NAV2: variants seen among roughly 807,000 people sequenced by gnomAD.
NAV2 encodes neuron navigator 2, also known as helicase, APC down-regulated 1.
NAV2 carries 54 observed loss-of-function variants against 223.2 expected under a neutral mutation model. The ratio of observed to expected loss-of-function variants is 0.24; its 90% CI spans 0.19 to 0.30. The LOEUF (loss-of-function observed/expected upper bound fraction) is 0.30, where lower values mean the gene tolerates loss of function less well. Ranked by LOEUF, NAV2 falls within the 10% of genes least tolerant of loss-of-function variation. The pLI, the probability that NAV2 is intolerant of heterozygous loss-of-function variation, is 1.00. For missense variants in NAV2, 2,806 were observed against 3,147.5 expected, an observed-to-expected ratio of 0.89 and a Z score of 2.60; for synonymous variants, 1,279 against 1,239.3, an observed-to-expected ratio of 1.03 and a Z score of -0.67.
chr11:19,452,107 AGTGTGTGT>A (rs60628637), intron 1 of NAV2, among the ~76,000 whole-genome samples: 25,568 of 146,610 alleles, frequency 0.17, 2,239 homozygotes, highest in South Asian at 0.19. Flanking sequence ...AGGTTACAAA[AGTGTGTGT>A]GTGTGTGTGT....
intron 10 of NAV2, among the ~76,000 whole-genome samples, chr11:19,962,724 G>A (rs1245125303): frequency 6.6e-6 from 1 of 152,118 alleles, no homozygotes; most frequent in Non-Finnish European, 1.5e-5. Context: ...CACTGGCATG[G>A]ACACCTCCAG....
chr11:20,005,581 C>T lies in NAV2; in HGVS notation c.2768+21334C>T, dbSNP rs554031381. On this transcript the variant is annotated intron_variant, in intron 11 of 37. Transcript: ENST00000349880. ...TTAAAAAAAAGAAAAAAAAAAAAAA[C>T]GAGAAATGAGTCCTATCTGTAATAA... is the stretch of plus-strand genomic sequence containing the variant. Among the ~76,000 whole-genome samples the T allele has an allele frequency of 8.5e-5, 12 of 141,814 alleles. No individual in the cohort carries two copies. The South Asian group carries it at 2.3e-3, about 27-fold the overall frequency. 93.0% of individuals were successfully genotyped at this position (141,814 alleles called of 152,430 possible).
chr11:19,458,726 G>A (rs1852046373), intron 1 of NAV2, among the ~76,000 whole-genome samples: 2 of 152,248 alleles, frequency 1.3e-5, no homozygotes, highest in African/African-American at 4.8e-5. Context: ...CTTTTAACCA[G>A]TTCTCTACAC....
intron 1 of NAV2, among the ~76,000 whole-genome samples, chr11:19,579,675 A>G (rs1379768906): frequency 6.6e-6 from 1 of 152,244 alleles, no homozygotes; most frequent in East Asian, 1.9e-4. Context: ...TGTGTTAGGT[A>G]TTTAGAGCAG....
chr11:19,835,176 G>A (rs2048428654), intron 2 of NAV2, among the ~76,000 whole-genome samples: 1 of 152,190 alleles, frequency 6.6e-6, no homozygotes, highest in African/African-American at 2.4e-5. Context: ...AACTTCCCTA[G>A]ACAGTGGCAT....
intron 11 of NAV2, among the ~76,000 whole-genome samples, chr11:20,021,511 G>A (rs1374721484): frequency 1.3e-5 from 2 of 152,146 alleles, no homozygotes; most frequent in Non-Finnish European, 1.5e-5. Flanking sequence ...AGTTAACTCG[G>A]ATGTTGGACA....
At chr11:19,719,497 G>A (rs1321144774) in intron 1 of NAV2, among the ~76,000 whole-genome samples, 3 of 152,162 alleles carry the variant, frequency 2.0e-5, no homozygotes, top group South Asian at 2.1e-4. Context: ...CTTATAGGTT[G>A]GGGGTGAGGG....
At chr11:19,830,152 G>GAGGCGGAGGTTGCAGT (rs1200484551) in intron 1 of NAV2, among the ~76,000 whole-genome samples, 1 of 152,158 alleles carries the variant, frequency 6.6e-6, no homozygotes, top group African/African-American at 2.4e-5. Context: ...TTGAACCCGG[G>GAGGCGGAGGTTGCAGT]AGGCGGAGGT....
chr11:20,055,131 T>C (rs2058287368), intron 18 of NAV2, among the ~76,000 whole-genome samples: 1 of 152,168 alleles, frequency 6.6e-6, no homozygotes, highest in African/African-American at 2.4e-5. Flanking sequence ...TTCAGAGTCT[T>C]TAAGGATAGA....
intron 1 of NAV2, among the ~76,000 whole-genome samples, chr11:19,669,151 C>T (rs1371524698): frequency 1.3e-5 from 2 of 152,180 alleles, no homozygotes; most frequent in Non-Finnish European, 2.9e-5. Flanking sequence ...CCAGAAGCTA[C>T]ACTGGGCCTT....
In NAV2 at chr11:20,054,374, G is replaced by T. The variant is rs1591878015; in HGVS notation, c.4642+134G>T. 1.4e-5 allele frequency: 11 copies of T among 798,406 alleles called. No individual in the cohort carries two copies. In the East Asian group the frequency reaches 3.3e-4, roughly 24 times the overall value. 49.5% of individuals were successfully genotyped at this position (798,406 alleles called of 1,614,324 possible). On this transcript the variant is annotated intron_variant, in intron 18 of 37. Transcript: ENST00000349880. The stretch of plus-strand genomic sequence containing the variant: ...TGGTTACATGGGTAAGTTCTTTAGT[G>T]GTGATTTCTGAGATTTTGGTGCACC...
At chr11:19,838,159 A>C (rs952561857) in intron 2 of NAV2, among the ~76,000 whole-genome samples, 1 of 152,210 alleles carries the variant, frequency 6.6e-6, no homozygotes, top group Non-Finnish European at 1.5e-5. Flanking sequence ...AAAAGAAAAC[A>C]TATCTAAATG....
intron 1 of NAV2, among the ~76,000 whole-genome samples, chr11:19,365,748 T>G (rs934212559): frequency 6.6e-6 from 1 of 152,240 alleles, no homozygotes; most frequent in Non-Finnish European, 1.5e-5. Context: ...TGTTTTCCCT[T>G]CTGTCTGCTT....
At chr11:19,887,135 A>G (rs1275325562) in intron 5 of NAV2, among the ~76,000 whole-genome samples, 2 of 152,158 alleles carry the variant, frequency 1.3e-5, no homozygotes, top group African/African-American at 4.8e-5. Flanking sequence ...AGCTCTGGAA[A>G]TAGGTCTCCT....
At chr11:19,402,696 A>G (rs1590133687) in intron 1 of NAV2, among the ~76,000 whole-genome samples, 1 of 152,242 alleles carries the variant, frequency 6.6e-6, no homozygotes, top group East Asian at 1.9e-4. Context: ...GCAGGAATGA[A>G]TAGTCCTTAT....
At chr11:19,974,877 GT>G (rs1485038320) in intron 10 of NAV2, among the ~76,000 whole-genome samples, 2 of 152,174 alleles carry the variant, frequency 1.3e-5, no homozygotes, top group African/African-American at 4.8e-5. Context: ...AGTAAAGTCT[GT>G]TTTTTAAAAA....
At chr11:19,384,138 CA>C (rs1848946143) in intron 1 of NAV2, among the ~76,000 whole-genome samples, 1 of 152,160 alleles carries the variant, frequency 6.6e-6, no homozygotes, top group Admixed American at 6.5e-5. Context: ...AATTACATAA[CA>C]GTGTATGTTC....
chr11:19,567,989 C>G (rs2045320923), intron 1 of NAV2, among the ~76,000 whole-genome samples: 1 of 152,236 alleles, frequency 6.6e-6, no homozygotes, highest in Non-Finnish European at 1.5e-5. Flanking sequence ...CTGTCTCCCC[C>G]TGGCTGTGCA....
chr11:19,585,074 G>A (rs1335015371), intron 1 of NAV2, among the ~76,000 whole-genome samples: 1 of 152,172 alleles, frequency 6.6e-6, no homozygotes, highest in East Asian at 1.9e-4. Flanking sequence ...TATATTGGGT[G>A]CGTATATATT....
Sources: gnomAD v4.1 joint callset for allele counts (sites outside exome capture counted in the v4.1 genomes callset) on GRCh38, gnomAD v4.1.1 for gene constraint, MANE v1.5 for transcripts, NCBI Gene and HGNC (gene_info 2026-07-23, HGNC 2026-07-21) for gene names.